DENND5A: variants seen among roughly 807,000 people sequenced by gnomAD.
The protein encoded by DENND5A is DENN domain-containing protein 5A.
In DENND5A, 64 loss-of-function variants were observed where a neutral mutation model predicts 140.3. That is an observed-to-expected ratio of 0.46 (90% confidence interval 0.37 to 0.56). DENND5A has a LOEUF of 0.56. Ranked by LOEUF, DENND5A falls within the 20% of genes least tolerant of loss-of-function variation. DENND5A has a pLI of 0.00. For missense variants in DENND5A, 1,292 were observed against 1,593.8 expected, an observed-to-expected ratio of 0.81 and a Z score of 3.22; for synonymous variants, 605 against 607.7, an observed-to-expected ratio of 1.00 and a Z score of 0.07.
At chr11:9,226,227 G>A (rs963351537) in intron 1 of DENND5A, among the ~76,000 whole-genome samples, 12 of 152,160 alleles carry the variant, frequency 7.9e-5, no homozygotes, top group Admixed American at 3.3e-4. Context: ...CCAGTTTTGA[G>A]ATTATGTCTT....
In DENND5A at chr11:9,156,183, T is replaced by C. The variant is rs1847795157; in HGVS notation, c.2437-3741A>G. On this transcript the variant is annotated intron_variant, in intron 12 of 22. Transcript: ENST00000328194. ...GGTGTTAGGAACCCAACATAGATCA[T>C]CAGGGTCAATCTCCAGCTGAACACG... Among the ~76,000 whole-genome samples, 5 of 152,098 alleles carry C rather than the reference T, an allele frequency of 3.3e-5. No individual in the cohort carries two copies. The South Asian group carries it at 1.0e-3, about 32-fold the overall frequency.
intron 15 of DENND5A, among the ~76,000 whole-genome samples, chr11:9,148,165 G>A (rs1412488387): frequency 6.6e-6 from 1 of 152,156 alleles, no homozygotes; most frequent in Non-Finnish European, 1.5e-5. Flanking sequence ...AGAGCCATAC[G>A]CTTCAGTGGT....
Position 9,265,088 on chromosome 11 carries a change from G to C in DENND5A, c.-19C>G. 6.7e-7 allele frequency: 1 copy of C among 1,487,326 alleles called. No individual in the cohort carries two copies. The highest frequency in any genetic ancestry group is 2.8e-5 in the East Asian group (1 of 35,388). The allele number at this position is 1,487,326 out of a possible 1,614,324, so 92.1% of individuals were successfully genotyped here. On this transcript the variant is annotated 5_prime_UTR_variant, in exon 1 of 23. Transcript: ENST00000328194. The surrounding 1 kb of genome is among the most constrained non-coding windows in gnomAD (Gnocchi z 4.7). ...CACTCATGGCGCCGGGGCCGAGACC[G>C]GCCGGGCAGTGCGGAGCGGCACCGA...
At chr11:9,169,488 T>TACACACGCACACACACAC in intron 10 of DENND5A, among the ~76,000 whole-genome samples, 1 of 107,028 alleles carries the variant, frequency 9.3e-6, no homozygotes, top group South Asian at 3.5e-4. Flanking sequence ...TTTTCCTATA[T>TACACACGCACACACACAC]ACACACGCAC....
intron 8 of DENND5A, among the ~76,000 whole-genome samples, chr11:9,174,534 G>GA (rs1848487418): frequency 3.7e-5 from 4 of 108,170 alleles, no homozygotes; most frequent in Admixed American, 9.2e-5. Context: ...TTTTTTTTTA[G>GA]AAAAAAAAAT....
chr11:9,195,832 C>T (rs1000134110), intron 4 of DENND5A, among the ~76,000 whole-genome samples: 2 of 152,076 alleles, frequency 1.3e-5, no homozygotes, highest in Non-Finnish European at 2.9e-5. Context: ...AAACACACAG[C>T]TCCTAAAACC....
intron 1 of DENND5A, among the ~76,000 whole-genome samples, chr11:9,248,778 A>T (rs570428112): frequency 3.9e-5 from 6 of 152,242 alleles, no homozygotes; most frequent in African/African-American, 1.4e-4. Flanking sequence ...TACACATCTA[A>T]CTTACCCAAA....
At chr11:9,142,684 AC>A in intron 21 of DENND5A, 37 bp downstream of exon 21, 1 of 1,613,026 alleles carries the variant, frequency 6.2e-7, no homozygotes, top group Non-Finnish European at 8.5e-7. Context: ...TTATATCTCT[AC>A]ATGCTTCTCC....
At chr11:9,152,289 A>C in intron 13 of DENND5A, 69 bp downstream of exon 13, 1 of 1,183,390 alleles carries the variant, frequency 8.5e-7, no homozygotes, top group Non-Finnish European at 1.3e-6. Context: ...TTTGCTTCAA[A>C]GTGATCACGC....
intron 11 of DENND5A, among the ~76,000 whole-genome samples, chr11:9,162,283 G>A (rs1359308114): frequency 7.7e-6 from 1 of 129,342 alleles, no homozygotes; most frequent in Non-Finnish European, 1.6e-5. Flanking sequence ...TTGTTGCCCA[G>A]GCTGGAGTGC....
chr11:9,145,220 A>G (rs538510248), intron 17 of DENND5A, 107 bp from the exon 18 acceptor site: 11 of 802,602 alleles, frequency 1.4e-5, no homozygotes, highest in Non-Finnish European at 2.4e-5. Flanking sequence ...ACCCCTCAGC[A>G]TCTGCAGGCT....
At chr11:9,262,218 A>G (rs927716503) in intron 1 of DENND5A, among the ~76,000 whole-genome samples, 1 of 152,120 alleles carries the variant, frequency 6.6e-6, no homozygotes, top group South Asian at 2.1e-4. Context: ...CTTGCTCCCA[A>G]TCACAAAGAT....
At chr11:9,255,408 G>C (rs1851903746) in intron 1 of DENND5A, among the ~76,000 whole-genome samples, 1 of 152,012 alleles carries the variant, frequency 6.6e-6, no homozygotes, top group Non-Finnish European at 1.5e-5. Context: ...GGGCAAGATG[G>C]TGAGACCTCG....
chr11:9,146,569 A>T (rs1847438212), intron 16 of DENND5A, among the ~76,000 whole-genome samples: 1 of 152,238 alleles, frequency 6.6e-6, no homozygotes, highest in African/African-American at 2.4e-5. Context: ...GCCCAGAATG[A>T]AATCTCCCAC....
intron 4 of DENND5A, among the ~76,000 whole-genome samples, chr11:9,197,349 A>G (rs1471218047): frequency 6.7e-6 from 1 of 148,712 alleles, no homozygotes; most frequent in East Asian, 2.0e-4. Flanking sequence ...ATACTGGAAA[A>G]GAGGGAATTT....
At chr11:9,177,965 G>C (rs1409487057) in intron 8 of DENND5A, 167 bp downstream of exon 8, 2 of 649,056 alleles carry the variant, frequency 3.1e-6, no homozygotes, top group African/African-American at 3.6e-5. Context: ...GTTAAAGGAT[G>C]AGAAGAAGAT....
At position 9,139,734 on chromosome 11, in the gene DENND5A, C is replaced by T. The variant is rs142848036; in HGVS notation, c.3801G>A (p.Leu1267=). 1 of 1,614,004 alleles carries T rather than the reference C, an allele frequency of 6.2e-7. No individual in the cohort carries two copies. The highest frequency in any genetic ancestry group is 8.5e-7 in the Non-Finnish European group (1 of 1,179,992). Residue 1267 remains leucine, a synonymous_variant, in exon 23 of 23, where the codon CTG becomes CTA. Coordinates refer to ENST00000328194, the MANE Select transcript of DENND5A (RefSeq NM_015213.4). ...TGATGTTGAACTCCTGCAATGTCTG[C>T]AGCACACGAATCAAGGAATTGACAA... ...HTLVNSLIRV[L]QTLQEFNITL... is the part of the protein sequence containing the mutation.
chr11:9,259,851 A>C (rs1852114393), intron 1 of DENND5A, among the ~76,000 whole-genome samples: 1 of 152,040 alleles, frequency 6.6e-6, no homozygotes, highest in Non-Finnish European at 1.5e-5. Flanking sequence ...CAACATGGCG[A>C]AATCCTGTCT....
intron 1 of DENND5A, among the ~76,000 whole-genome samples, chr11:9,228,985 CCT>C (rs1476176032): frequency 2.0e-5 from 3 of 152,082 alleles, no homozygotes; most frequent in Non-Finnish European, 4.4e-5. Flanking sequence ...CATGGGAACC[CCT>C]GACTTATAGC....
Sources: allele counts gnomAD v4.1 joint callset (sites outside exome capture counted in the v4.1 genomes callset), GRCh38; gene constraint gnomAD v4.1.1; non-coding constraint Gnocchi (gnomAD v3.1); transcripts MANE v1.5; gene names NCBI Gene and HGNC (gene_info 2026-07-23, HGNC 2026-07-21).